The following TTC39C variants were observed in gnomAD, a reference collection of about 807,000 sequenced individuals.
The protein encoded by TTC39C is tetratricopeptide repeat domain 39C.
A neutral mutation model predicts 76.3 loss-of-function variants in TTC39C; 33 were observed. The observed-to-expected ratio is 0.43, with a 90% CI of 0.33 to 0.58. TTC39C has a LOEUF of 0.58. Ranked by LOEUF, TTC39C falls within the 20% of genes least tolerant of loss-of-function variation. TTC39C has a pLI of 0.04. For synonymous variants in TTC39C, 254 were observed against 260.6 expected, an observed-to-expected ratio of 0.97 and a Z score of 0.24; for missense variants, 595 against 701.4, an observed-to-expected ratio of 0.85 and a Z score of 1.71.
chr18:24,091,099 G>T (rs888912208), intron 6 of TTC39C, among the ~76,000 whole-genome samples: 2 of 152,156 alleles, frequency 1.3e-5, no homozygotes, highest in African/African-American at 4.8e-5. Context: ...AAGCCGCCAC[G>T]CCCGGCCTTA....
intron 1 of TTC39C, among the ~76,000 whole-genome samples, chr18:24,027,519 G>A (rs1599250591): frequency 6.6e-6 from 1 of 150,586 alleles, no homozygotes; most frequent in African/African-American, 2.4e-5. Context: ...AAATAAAGTA[G>A]CATGTTGGAA....
intron 1 of TTC39C, among the ~76,000 whole-genome samples, chr18:23,997,971 T>C (rs2083283034): frequency 1.3e-5 from 2 of 152,094 alleles, no homozygotes; most frequent in African/African-American, 2.4e-5. Flanking sequence ...TTCTGAAATG[T>C]GAGGAACAGA....
At chr18:24,112,302 C>T (rs954513043) in intron 6 of TTC39C, among the ~76,000 whole-genome samples, 1 of 152,174 alleles carries the variant, frequency 6.6e-6, no homozygotes, top group Admixed American at 6.5e-5. Flanking sequence ...TCTCAGGATC[C>T]TTGACTTAAT....
intron 6 of TTC39C, among the ~76,000 whole-genome samples, chr18:24,099,005 ATGTGTGTGTGTGTGTG>A (rs71373362): frequency 3.8e-5 from 5 of 130,726 alleles, no homozygotes; most frequent in Admixed American, 7.8e-5. Flanking sequence ...AGTTAGAGGA[ATGTGTGTGTGTGTGTG>A]TGTGTGTGTG....
chr18:24,032,785 G>T (rs886652730), intron 1 of TTC39C, among the ~76,000 whole-genome samples: 35 of 151,552 alleles, frequency 2.3e-4, no homozygotes, highest in Middle Eastern at 3.4e-3. Context: ...TGATTTTGTT[G>T]TATGATTTCT....
chr18:24,124,778 G>A (rs1254113976), intron 9 of TTC39C, among the ~76,000 whole-genome samples: 1 of 152,168 alleles, frequency 6.6e-6, no homozygotes, highest in Non-Finnish European at 1.5e-5. Context: ...TAGTTCCTTA[G>A]GTGTGTGTAA....
intron 6 of TTC39C, among the ~76,000 whole-genome samples, chr18:24,099,490 C>T (rs1026569112): frequency 1.3e-5 from 2 of 151,738 alleles, no homozygotes; most frequent in African/African-American, 4.8e-5. Flanking sequence ...CAGGAGCATT[C>T]CATAACAATG....
chr18:24,133,228 C>A lies in TTC39C; in HGVS notation c.*654C>A, dbSNP rs528922280. On this transcript the variant is annotated 3_prime_UTR_variant, in exon 14 of 14. Transcript: ENST00000317571. Reference sequence around the variant, plus strand: ...TGTAAAAATAATTCATGTTAATAGGCCAGAATTCCATGTTTTACTTATTAA... The same window carrying A: ...TGTAAAAATAATTCATGTTAATAGGACAGAATTCCATGTTTTACTTATTAA... The A allele has an allele frequency of 6.6e-6, 1 of 152,260 alleles. No homozygotes were observed. The highest frequency in any genetic ancestry group is 1.9e-4 in the East Asian group (1 of 5,188). 9.4% of individuals were successfully genotyped at this position (152,260 alleles called of 1,614,324 possible).
chr18:24,113,535 G>A, intron 6 of TTC39C: 2 of 700,494 alleles, frequency 2.9e-6, no homozygotes, highest in Non-Finnish European at 5.2e-6. Context: ...GCCCAGGGGA[G>A]GGAAGTCCAC....
intron 1 of TTC39C, among the ~76,000 whole-genome samples, chr18:24,043,030 A>G (rs6508123): frequency 0.74 from 112,953 of 152,038 alleles, 42,883 homozygotes; most frequent in Non-Finnish European, 0.82. Context: ...GGGAAATAAG[A>G]TCTGGTCCCT....
intron 6 of TTC39C, among the ~76,000 whole-genome samples, chr18:24,091,373 T>C (rs2084514684): frequency 6.6e-6 from 1 of 152,134 alleles, no homozygotes; most frequent in Admixed American, 6.5e-5. Flanking sequence ...GCCCGGGGGA[T>C]GGAGGTTGCA....
chr18:24,032,510 G>A (rs116372654), intron 1 of TTC39C, among the ~76,000 whole-genome samples: 3,744 of 152,240 alleles, frequency 0.025, 148 homozygotes, highest in African/African-American at 0.085. Flanking sequence ...AGATATTTTA[G>A]GAATGGGACC....
chr18:24,114,781 G>GTA, intron 7 of TTC39C, 134 bp downstream of exon 7: 1 of 609,516 alleles, frequency 1.6e-6, no homozygotes, highest in Middle Eastern at 2.7e-4. Context: ...AGTTATTCCC[G>GTA]TAGCACATGC....
chr18:24,061,944 C>T (rs982119204), intron 1 of TTC39C, among the ~76,000 whole-genome samples: 2 of 152,114 alleles, frequency 1.3e-5, no homozygotes, highest in African/African-American at 2.4e-5. Flanking sequence ...CATGTTAGGT[C>T]GAGCTCTTCT....
rs114744406 is a variant in TTC39C, at chr18:24,022,610, T to C, written c.167+7572T>C. The C allele has an allele frequency of 1.5e-3, 1,487 of 985,396 alleles. 18 individuals carry two copies. In the African/African-American group the frequency reaches 0.024, roughly 16 times the overall value. The allele number at this position is 985,396 out of a possible 1,614,324, so 61.0% of individuals were successfully genotyped here. A position where few individuals can be genotyped will look rare whatever the true frequency, so the allele number is the denominator to read the frequency against. On this transcript the variant is annotated intron_variant, in intron 1 of 13. Coordinates refer to ENST00000317571, the MANE Select transcript of TTC39C (RefSeq NM_001135993.2). The stretch of plus-strand genomic sequence containing the variant: ...TTTGGGGCAAGTTCCTTCAGTAATA[T>C]GCAGATTGCACTCTGACACCCAGAA...
chr18:24,064,091 A>G, intron 1 of TTC39C, 49 bp from the exon 2 acceptor site: 1 of 1,603,226 alleles, frequency 6.2e-7, no homozygotes, highest in Non-Finnish European at 8.5e-7. Context: ...ATAAAATTTT[A>G]CAGTGAAAAT....
At chr18:24,129,248 C>T (rs2085091514) in intron 11 of TTC39C, among the ~76,000 whole-genome samples, 1 of 152,126 alleles carries the variant, frequency 6.6e-6, no homozygotes, top group Non-Finnish European at 1.5e-5. Context: ...ATGACAGCCT[C>T]CACTGGAGAG....
chr18:24,019,608 G>A (rs941581244), intron 1 of TTC39C, among the ~76,000 whole-genome samples: 1 of 152,260 alleles, frequency 6.6e-6, no homozygotes, highest in Admixed American at 6.5e-5. Flanking sequence ...GCCTCATTTT[G>A]TGAGCATGTT....
chr18:24,080,724 T>C lies in TTC39C; in HGVS notation c.600T>C (p.Asn200=). Residue 200 remains asparagine (N), a synonymous_variant, in exon 5 of 14, where the codon AAT becomes AAC. Transcript: ENST00000317571. ...TGACTTCTGATGCTGCAAATGATAA[T>C]CACATTGTGGCTGAAGGGGTGTCTG... The part of the protein sequence containing the change: ...ESLTSDAAND[N]HIVAEGVSEE... The C allele has an allele frequency of 6.2e-7, 1 of 1,614,134 alleles. No individual in the cohort carries two copies. The highest frequency in any genetic ancestry group is 8.5e-7 in the Non-Finnish European group (1 of 1,180,008).
Sources: allele counts gnomAD v4.1 joint callset (sites outside exome capture counted in the v4.1 genomes callset), GRCh38; gene constraint gnomAD v4.1.1; transcripts MANE v1.5; gene names NCBI Gene and HGNC (gene_info 2026-07-23, HGNC 2026-07-21).